YOD1: variants seen among roughly 807,000 people sequenced by gnomAD.
The protein encoded by YOD1 is ubiquitin thioesterase OTU1.
In YOD1, 17 loss-of-function variants were observed where a neutral mutation model predicts 23.7. The ratio of observed to expected loss-of-function variants is 0.72; its 90% CI spans 0.49 to 1.07. The LOEUF (loss-of-function observed/expected upper bound fraction) is 1.07, where lower values mean the gene tolerates loss of function less well. Ranked by LOEUF, YOD1 falls within the 50% of genes least tolerant of loss-of-function variation. YOD1 has a pLI of 0.00. For missense variants in YOD1, 413 were observed against 447.2 expected (o/e 0.92, Z 0.69); for synonymous variants, 191 against 169.6 (o/e 1.13, Z -0.98).
At position 207,049,191 on chromosome 1, in the gene YOD1, A is replaced by G. The variant is rs1334866987; in HGVS notation, c.876T>C (p.Ile292=). Residue 292 remains isoleucine (I), a synonymous_variant, in exon 2 of 2, where the codon ATT becomes ATC. Coordinates refer to ENST00000315927, the MANE Select transcript of YOD1 (RefSeq NM_018566.4). ...CTAATTCCAGTGCTTGTACAAGAAC[A>G]ATATCATCATTAGAGGAGAAAATGG... ...PLTIFSSNDD[I]VLVQALELAD... 2 of 1,614,154 alleles carry G rather than the reference A, an allele frequency of 1.2e-6. No individual in the cohort carries two copies. Among genetic ancestry groups the G allele is most frequent in the Non-Finnish European group, 8.5e-7 (1 of 1,180,036 alleles).
chr1:207,049,371 G>T lies in YOD1; in HGVS notation c.696C>A (p.Tyr232Ter). The change falls in exon 2 of 2, where the codon TAC becomes TAA. Residue 232 changes from tyrosine to a stop codon, truncating the protein, a stop_gained. Coordinates refer to ENST00000315927, the MANE Select transcript of YOD1 (RefSeq NM_018566.4). LOFTEE classifies it high-confidence loss of function. ...TATCCACTACACATATTTCACATTG[G>T]TAAAACTTGGACAAAATCGATATCT... Reference protein sequence around the residue: ...AIEISILSKFYQCEICVVDTQ... With the variant: ...AIEISILSKF The T allele has an allele frequency of 6.2e-7, 1 of 1,614,004 alleles. No homozygotes were observed. Among genetic ancestry groups the T allele is most frequent in the Non-Finnish European group, 8.5e-7 (1 of 1,180,010 alleles).
chr1:207,052,209 T>C (rs925669563), upstream of YOD1: 27 of 1,612,718 alleles, frequency 1.7e-5, no homozygotes, highest in Non-Finnish European at 2.1e-5. Flanking sequence ...ACTTTGCTTC[T>C]GAATAAATTA....
rs1489736411 is a variant in YOD1, at chr1:207,044,313, A to G, written c.*4707T>C. 6.6e-6 allele frequency: 1 copy of G among 152,570 alleles called. No individual in the cohort carries two copies. Among genetic ancestry groups the G allele is most frequent in the Non-Finnish European group, 1.5e-5 (1 of 67,980 alleles). The allele number at this position is 152,570 out of a possible 1,614,324, so 9.5% of individuals were successfully genotyped here. On this transcript the variant is annotated 3_prime_UTR_variant, in exon 2 of 2. Transcript: ENST00000315927. Reference sequence around the variant, plus strand: ...GAATTCAAATTTTTTTCAAGGAAAAATACTATTCTGCTAAGTACATATTTC... The same window carrying G: ...GAATTCAAATTTTTTTCAAGGAAAAGTACTATTCTGCTAAGTACATATTTC...
Position 207,047,947 on chromosome 1 carries a change from CAA to C in YOD1, c.*1071_*1072del, listed in dbSNP as rs1682637737. 6.6e-6 allele frequency: 1 copy of C among 152,018 alleles called. No homozygotes were observed. The highest frequency in any genetic ancestry group is 6.5e-5 in the Admixed American group (1 of 15,272). 9.4% of individuals were successfully genotyped at this position (152,018 alleles called of 1,614,324 possible). A position where few individuals can be genotyped will look rare whatever the true frequency, so the allele number is the denominator to read the frequency against. ...TGGAGGGATAAGGCTAGCACAAAAG[CAA>C]ACACTCTTTAGGTGTGCAAAAAATC... On this transcript the variant is annotated 3_prime_UTR_variant, in exon 2 of 2. Transcript: ENST00000315927.
Position 207,049,050 on chromosome 1 carries a change from C to T in YOD1, c.1017G>A (p.Glu339=). ...CTTCTCCAAAGTTGGTATGGCCTGT[C>T]TCCTTGGCATGTTCCCTTGCTTCTG... ...GQAEAREHAK[E]TGHTNFGEV The change falls in exon 2 of 2, where the codon GAG becomes GAA. Residue 339 remains glutamate, a synonymous_variant. Transcript: ENST00000315927. The T allele has an allele frequency of 6.2e-7, 1 of 1,613,870 alleles. No homozygotes were observed. Among genetic ancestry groups the T allele is most frequent in the Non-Finnish European group, 8.5e-7 (1 of 1,179,928 alleles).
chr1:207,052,930 A>G (rs1057141212), upstream of YOD1: 9 of 152,156 alleles, frequency 5.9e-5, no homozygotes, highest in African/African-American at 1.9e-4. Context: ...TCTTTGCAGC[A>G]TTTTCTCGTC....
chr1:207,050,585 C>G (rs938007729), intron 1 of YOD1, 103 bp downstream of exon 1: 37 of 1,512,070 alleles, frequency 2.4e-5, no homozygotes, highest in African/African-American at 5.6e-5. Flanking sequence ...TCAAAGCCCC[C>G]CCGCCGACTC....
rs1682729921 is a variant in YOD1, at chr1:207,050,923, G to A, written c.108C>T (p.Ala36=). Residue 36 remains alanine, a synonymous_variant, in exon 1 of 2, where the codon GCC becomes GCT. Coordinates refer to ENST00000315927, the MANE Select transcript of YOD1 (RefSeq NM_018566.4). ...AAGTKAGPAG[A]WPVGSRTDTM... is the part of the protein sequence containing the mutation. ...TGTCGGTCCGGCTGCCCACAGGCCA[G>A]GCACCCGCGGGGCCAGCTTTGGTCC... 2 of 1,590,794 alleles carry A rather than the reference G, an allele frequency of 1.3e-6. No individual in the cohort carries two copies. Among genetic ancestry groups the A allele is most frequent in the Non-Finnish European group, 1.7e-6 (2 of 1,168,904 alleles).
At position 207,051,048 on chromosome 1, in the gene YOD1, G is replaced by A. The variant is rs749417164; in HGVS notation, c.-18C>T. On this transcript the variant is annotated 5_prime_UTR_variant, in exon 1 of 2. Coordinates refer to ENST00000315927, the MANE Select transcript of YOD1 (RefSeq NM_018566.4). ...CCAAACATCGCGAGAAGTTGCGGGT[G>A]GTTGCAGTTATCGCGACGCTTCGGT... 2.0e-6 allele frequency: 3 copies of A among 1,486,164 alleles called. No homozygotes were observed. The highest frequency in any genetic ancestry group is 2.7e-6 in the Non-Finnish European group (3 of 1,120,216). 92.1% of individuals were successfully genotyped at this position (1,486,164 alleles called of 1,614,324 possible). A position where few individuals can be genotyped will look rare whatever the true frequency, so the allele number is the denominator to read the frequency against.
At chr1:207,050,092 T>A (rs905263626) in intron 1 of YOD1, among the ~76,000 whole-genome samples, 2 of 150,482 alleles carry the variant, frequency 1.3e-5, no homozygotes, top group African/African-American at 4.8e-5. Flanking sequence ...CGGAAACTTA[T>A]CTACTCTAGA....
chr1:207,049,737 A>C lies in YOD1; in HGVS notation c.344-14T>G. The C allele has an allele frequency of 6.3e-7, 1 of 1,596,030 alleles. No homozygotes were observed. On this transcript the variant is annotated splice_polypyrimidine_tract_variant and intron_variant, in intron 1 of 1. Coordinates refer to ENST00000315927, the MANE Select transcript of YOD1 (RefSeq NM_018566.4). ...TCAGCATGTCACCTGTTAAAAATAA[A>C]ACAAATCCCGATCTGCAAAGAAATT... is the stretch of plus-strand genomic sequence containing the variant.
rs1445590095 is a variant in YOD1 at position 207,049,137 on chromosome 1, A to C, written c.930T>G (p.Phe310Leu). The change falls in exon 2 of 2, where the codon TTT (phenylalanine) becomes TTG (leucine). Residue 310 changes from phenylalanine to leucine, a missense_variant. Physicochemically the swap from Phe to Leu is conservative, Grantham distance 22. Coordinates refer to ENST00000315927, the MANE Select transcript of YOD1 (RefSeq NM_018566.4). Reference protein sequence around the residue: ...LADEARRRRQFTDVNRFTLRC... With the variant: ...LADEARRRRQLTDVNRFTLRC... Reference sequence around the variant, plus strand: ...TCAGGGTGAAGCGGTTGACATCAGTAAACTGTCTCCTTCTTCTAGCTTCAT... The same window carrying C: ...TCAGGGTGAAGCGGTTGACATCAGTCAACTGTCTCCTTCTTCTAGCTTCAT... 1.5e-5 allele frequency: 24 copies of C among 1,614,078 alleles called. No homozygotes were observed. Among genetic ancestry groups the C allele is most frequent in the Non-Finnish European group, 2.0e-5 (24 of 1,180,000 alleles).
At position 207,049,071 on chromosome 1, in the gene YOD1, T is replaced by G. The variant is rs758336309; in HGVS notation, c.996A>C (p.Glu332Asp). The G allele has an allele frequency of 1.4e-5, 23 of 1,613,922 alleles. No homozygotes were observed. Among genetic ancestry groups the G allele is most frequent in the Admixed American group, 1.7e-5 (1 of 59,988 alleles). ...CTGTCTCCTTGGCATGTTCCCTTGC[T>G]TCTGCTTGTCCAGTTAATCCTTTCT... Reference protein sequence around the residue: ...VCQKGLTGQAEAREHAKETGH... With the variant: ...VCQKGLTGQADAREHAKETGH... Residue 332 changes from glutamate (E) to aspartate (D), a missense_variant, in exon 2 of 2, where the codon GAA becomes GAC. Physicochemically the swap from Glu to Asp is conservative, Grantham distance 45. Transcript: ENST00000315927.
rs1282792097 is a variant in YOD1, at chr1:207,046,416, A to G, written c.*2604T>C. On this transcript the variant is annotated 3_prime_UTR_variant, in exon 2 of 2. Transcript: ENST00000315927. ...AACAAACAAAAAGCAAACCCCTGTA[A>G]ATTCTGTGAGGCTTAAAAGCTTGAG... 1.3e-5 allele frequency: 2 copies of G among 152,124 alleles called. No individual in the cohort carries two copies. Among genetic ancestry groups the G allele is most frequent in the Non-Finnish European group, 2.9e-5 (2 of 67,950 alleles). The allele number at this position is 152,124 out of a possible 1,614,324, so 9.4% of individuals were successfully genotyped here.
chr1:207,047,606 C>T lies in YOD1; in HGVS notation c.*1414G>A, dbSNP rs1682629909. ...TACATAACAAATTATAATTTAGCAT[C>T]CCTGATCAGAATAATTAAGAAAAGA... On this transcript the variant is annotated 3_prime_UTR_variant, in exon 2 of 2. Coordinates refer to ENST00000315927, the MANE Select transcript of YOD1 (RefSeq NM_018566.4). 1 of 152,556 alleles carries T rather than the reference C, an allele frequency of 6.6e-6. No homozygotes were observed. Among genetic ancestry groups the T allele is most frequent in the Non-Finnish European group, 1.5e-5 (1 of 67,994 alleles). 9.5% of individuals were successfully genotyped at this position (152,556 alleles called of 1,614,324 possible).
chr1:207,049,872 G>A, intron 1 of YOD1, 149 bp from the exon 2 acceptor site: 1 of 705,022 alleles, frequency 1.4e-6, no homozygotes, highest in Non-Finnish European at 2.3e-6. Context: ...TAAGTTACCA[G>A]TAAGAATCTT....
Position 207,050,704 on chromosome 1 carries a change from G to A in YOD1, c.327C>T (p.Asp109=), listed in dbSNP as rs1223102759. ...ATTCCTTACCAGATTGGATGGGCAA[G>A]TCTTCCAGAATGGTATCCCCATTGC... ...DLSNGDTILE[D]LPIQSGDMLI... Residue 109 remains aspartate, a synonymous_variant, in exon 1 of 2, where the codon GAC becomes GAT. Transcript: ENST00000315927. 9 of 1,613,170 alleles carry A rather than the reference G, an allele frequency of 5.6e-6. No homozygotes were observed. Among genetic ancestry groups the A allele is most frequent in the Non-Finnish European group, 7.6e-6 (9 of 1,180,008 alleles).
At position 207,049,586 on chromosome 1, in the gene YOD1, G is replaced by A. The variant is rs776582412; in HGVS notation, c.481C>T (p.Leu161Phe). The A allele has an allele frequency of 2.5e-6, 4 of 1,614,082 alleles. No individual in the cohort carries two copies. Residue 161 changes from leucine (L) to phenylalanine (F), a missense_variant, in exon 2 of 2, where the codon CTC (leucine) becomes TTC (phenylalanine). By Grantham distance (22) the Leu-to-Phe change is conservative. Coordinates refer to ENST00000315927, the MANE Select transcript of YOD1 (RefSeq NM_018566.4). ...RTVVPADNSCLFTSVYYVVEG... is the reference protein window; with the variant it reads ...RTVVPADNSCFFTSVYYVVEG... ...ACGACATAGTACACACTAGTAAAGA[G>A]GCAAGAGTTGTCTGCTGGGACCACG...
rs563199709 is a variant in YOD1 at position 207,050,252 on chromosome 1, A to G, written c.343+436T>C. ...TTTAAAAGCTAACTCGAAAATGAGT[A>G]TGCCTGTCAAACGAAGTATCTACGA... On this transcript the variant is annotated intron_variant, in intron 1 of 1. Transcript: ENST00000315927. 5.3e-5 allele frequency among the ~76,000 whole-genome samples: 8 copies of G among 152,310 alleles called. 1 individual carries two copies. The South Asian group carries it at 1.7e-3, about 32-fold the overall frequency.
Sources: allele counts gnomAD v4.1 joint callset (sites outside exome capture counted in the v4.1 genomes callset), GRCh38; gene constraint gnomAD v4.1.1; transcripts MANE v1.5; gene names NCBI Gene and HGNC (gene_info 2026-07-23, HGNC 2026-07-21).